Variants in FRMD3 observed in about 807,000 individuals in gnomAD.
FRMD3 encodes the protein FERM domain-containing protein 3.
Under a neutral mutation model 70.2 loss-of-function variants are expected in FRMD3, and 33 were observed. That is an observed-to-expected ratio of 0.47 (90% CI 0.36 to 0.63). FRMD3 has a LOEUF of 0.63. FRMD3 is among the 20% of genes least tolerant of loss of function. FRMD3 has a pLI of 0.00. For missense variants in FRMD3, 632 were observed against 711.4 expected, an observed-to-expected ratio of 0.89 and a Z score of 1.27; for synonymous variants, 279 against 255.9, an observed-to-expected ratio of 1.09 and a Z score of -0.86.
intron 6 of FRMD3, among the ~76,000 whole-genome samples, chr9:83,317,245 TC>T (rs1835621743): frequency 6.6e-6 from 1 of 150,396 alleles, no homozygotes; most frequent in South Asian, 2.1e-4. Context: ...TATACTCATC[TC>T]ACCTTCCCAA....
chr9:83,423,786 G>A (rs1826719223), intron 1 of FRMD3, among the ~76,000 whole-genome samples: 1 of 151,584 alleles, frequency 6.6e-6, no homozygotes, highest in Non-Finnish European at 1.5e-5. Flanking sequence ...TGCAGAGTTG[G>A]GGTTTCACCA....
chr9:83,321,635 G>T (rs1160462328), intron 6 of FRMD3, among the ~76,000 whole-genome samples: 1 of 152,156 alleles, frequency 6.6e-6, no homozygotes, highest in Non-Finnish European at 1.5e-5. Flanking sequence ...ATGTACTGAT[G>T]AAAAGAATGT....
Position 83,245,287 on chromosome 9 carries a change from C to T in FRMD3, c.*2631G>A, listed in dbSNP as rs1283381628. The T allele has an allele frequency of 4.1e-6, 4 of 985,284 alleles. No individual in the cohort carries two copies. Among genetic ancestry groups the T allele is most frequent in the Non-Finnish European group, 4.8e-6 (4 of 829,922 alleles). 61.0% of individuals were successfully genotyped at this position (985,284 alleles called of 1,614,324 possible). A position where few individuals can be genotyped will look rare whatever the true frequency, so the allele number is the denominator to read the frequency against. ...TATATCTCACTCTATAATATACTGT[C>T]CATCTCTGGAAGCAGGCTTTTCCTC... is the stretch of plus-strand genomic sequence containing the variant. On this transcript the variant is annotated 3_prime_UTR_variant, in exon 14 of 14. Coordinates refer to ENST00000304195, the MANE Select transcript of FRMD3 (RefSeq NM_174938.6).
chr9:83,539,243 C>A (rs1448144231), upstream of FRMD3, among the ~76,000 whole-genome samples: 1 of 152,184 alleles, frequency 6.6e-6, no homozygotes, highest in African/African-American at 2.4e-5. Context: ...ATTGAGGACT[C>A]TGGAATTCCC....
intron 1 of FRMD3, among the ~76,000 whole-genome samples, chr9:83,486,693 T>G (rs1828697280): frequency 6.6e-6 from 1 of 152,216 alleles, no homozygotes. Context: ...AAACAGCTTT[T>G]TCATTACAAA....
At chr9:83,360,070 G>A (rs534944156) in intron 3 of FRMD3, among the ~76,000 whole-genome samples, 1 of 152,330 alleles carries the variant, frequency 6.6e-6, no homozygotes, top group Non-Finnish European at 1.5e-5. Context: ...GTGTGTATAT[G>A]AAGAGATATT....
intron 1 of FRMD3, among the ~76,000 whole-genome samples, chr9:83,520,528 A>G (rs1829548149): frequency 6.6e-6 from 1 of 152,210 alleles, no homozygotes; most frequent in Non-Finnish European, 1.5e-5. Context: ...ATGTGTAACT[A>G]TGTAAACAAA....
chr9:83,461,131 A>C (rs1281372875), intron 1 of FRMD3, among the ~76,000 whole-genome samples: 1 of 152,232 alleles, frequency 6.6e-6, no homozygotes, highest in Non-Finnish European at 1.5e-5. Context: ...GCTGGGATTA[A>C]AGTTACTAAC....
intron 3 of FRMD3, among the ~76,000 whole-genome samples, chr9:83,357,241 ACATACATATATATAT>A (rs1564032502): frequency 0.091 from 641 of 7,070 alleles, 49 homozygotes; most frequent in Non-Finnish European, 0.15. Flanking sequence ...TATATATAAT[ACATACATATATATAT>A]ATATATATAT....
At position 83,325,399 on chromosome 9, in the gene FRMD3, T is replaced by G. The variant is rs568267877; in HGVS notation, c.596+10117A>C. ...TGGAGTGCAGTGATGCGATCTCAGT[T>G]CACTGCAGCCTCGACCTCCCAGAAT... On this transcript the variant is annotated intron_variant, in intron 6 of 13. Coordinates refer to ENST00000304195, the MANE Select transcript of FRMD3 (RefSeq NM_174938.6). Among the ~76,000 whole-genome samples, 16 of 152,322 alleles carry G rather than the reference T, an allele frequency of 1.1e-4. No individual in the cohort carries two copies. In the East Asian group the frequency reaches 3.1e-3, roughly 29 times the overall value.
At chr9:83,444,156 C>A (rs1013396568) in intron 1 of FRMD3, among the ~76,000 whole-genome samples, 20 of 152,232 alleles carry the variant, frequency 1.3e-4, no homozygotes, top group Admixed American at 1.3e-3. Context: ...TGATGACAAG[C>A]ATGACTCCAG....
the FRMD3 span, among the ~76,000 whole-genome samples, chr9:83,555,447 T>A: frequency 6.6e-6 from 1 of 151,712 alleles, no homozygotes; most frequent in Non-Finnish European, 1.5e-5. Context: ...CCCTTCAACC[T>A]GGGTTGGCTC....
intron 1 of FRMD3, among the ~76,000 whole-genome samples, chr9:83,426,372 G>A (rs575187157): frequency 2.0e-5 from 3 of 152,322 alleles, no homozygotes; most frequent in South Asian, 2.1e-4. Context: ...AAAGATAACC[G>A]AGGCACAATT....
chr9:83,402,764 A>G (rs751619180), intron 1 of FRMD3, among the ~76,000 whole-genome samples: 13 of 152,274 alleles, frequency 8.5e-5, no homozygotes, highest in South Asian at 4.1e-4. Flanking sequence ...AATCTTCATT[A>G]TTAGTTTTCA....
intron 4 of FRMD3, among the ~76,000 whole-genome samples, chr9:83,346,982 C>A (rs1823984866): frequency 6.6e-6 from 1 of 152,138 alleles, no homozygotes; most frequent in African/African-American, 2.4e-5. Context: ...AACTACCAGG[C>A]CAAATACCAT....
rs141638624 is a variant in FRMD3 at position 83,509,916 on chromosome 9, G to A, written c.147+28169C>T. Among the ~76,000 whole-genome samples, 24 of 152,174 alleles carry A rather than the reference G, an allele frequency of 1.6e-4. No individual in the cohort carries two copies. The East Asian group carries it at 3.9e-3, about 24-fold the overall frequency. On this transcript the variant is annotated intron_variant, in intron 1 of 13. Coordinates refer to ENST00000304195, the MANE Select transcript of FRMD3 (RefSeq NM_174938.6). ...ACAGTGTCTTAAAAAAAATAAGCTC[G>A]TGACCTTAGAAACTTTCATGACTTA...
At chr9:83,539,909 G>C (rs145756859), upstream of FRMD3, among the ~76,000 whole-genome samples, 286 of 152,326 alleles carry the variant, frequency 1.9e-3, no homozygotes, top group African/African-American at 6.7e-3. Flanking sequence ...GTAGGCTCTT[G>C]AGCTGGGCCC....
intron 6 of FRMD3, among the ~76,000 whole-genome samples, chr9:83,334,226 TTCATG>T (rs1388788256): frequency 1.3e-5 from 2 of 152,278 alleles, no homozygotes; most frequent in African/African-American, 4.8e-5. Context: ...TAGTGAGAAT[TTCATG>T]TATCTTCAAC....
intron 1 of FRMD3, among the ~76,000 whole-genome samples, chr9:83,516,502 G>C (rs1408255693): frequency 6.6e-6 from 1 of 152,144 alleles, no homozygotes; most frequent in Non-Finnish European, 1.5e-5. Context: ...AAGAGACTTA[G>C]ACTCCCACAC....
Sources: gnomAD v4.1 joint callset for allele counts (sites outside exome capture counted in the v4.1 genomes callset) on GRCh38, gnomAD v4.1.1 for gene constraint, MANE v1.5 for transcripts, NCBI Gene and HGNC (gene_info 2026-07-23, HGNC 2026-07-21) for gene names.